ZFTA: variants seen among roughly 807,000 people sequenced by gnomAD.
ZFTA encodes the protein zinc finger translocation-associated protein.
A neutral mutation model predicts 41.8 loss-of-function variants in ZFTA; 35 were observed. The observed-to-expected ratio is 0.84, with a 90% CI of 0.64 to 1.11. ZFTA has a LOEUF of 1.11. Among genes scored for constraint, ZFTA ranks in the 50% most tolerant of loss-of-function variants. The pLI, the probability that ZFTA is intolerant of heterozygous loss-of-function variation, is 0.00. For missense variants in ZFTA, 964 were observed against 989.8 expected, an observed-to-expected ratio of 0.97 and a Z score of 0.35; for synonymous variants, 514 against 436.4, an observed-to-expected ratio of 1.18 and a Z score of -2.22.
At chr11:63,764,700 A>G (rs1440109110) in intron 3 of ZFTA, 102 bp from the exon 4 acceptor site, 8 of 1,317,470 alleles carry the variant, frequency 6.1e-6, no homozygotes, top group Non-Finnish European at 9.7e-7. Context: ...GCCCCAAGCT[A>G]GAGGCCCCAG....
In ZFTA at chr11:63,768,523, C is replaced by A; in HGVS notation, c.100G>T (p.Gly34Ter). 1 of 1,196,944 alleles carries A rather than the reference C, an allele frequency of 8.4e-7. No homozygotes were observed. 74.1% of individuals were successfully genotyped at this position (1,196,944 alleles called of 1,614,324 possible). Residue 34 changes from glycine to a stop codon, truncating the protein, a stop_gained, in exon 1 of 5, where the codon GGA (glycine) becomes TGA (stop). Transcript: ENST00000433688. LOFTEE classifies it high-confidence loss of function. ...SARGRRLPPA[G>*]SSGSAEPEED... ...TCTGGCTCCGCGCTGCCGCTCGATCCGGCGGGCGGCAGCCGTCGGCCCCGT... is the reference window on the plus strand; with the variant it reads ...TCTGGCTCCGCGCTGCCGCTCGATCAGGCGGGCGGCAGCCGTCGGCCCCGT...
rs565994969 is a variant in ZFTA at position 63,764,348 on chromosome 11, C to T, written c.1275G>A (p.Glu425=). The change falls in exon 4 of 5, where the codon GAG becomes GAA. Residue 425 remains glutamate, a synonymous_variant. Coordinates refer to ENST00000433688, the MANE Select transcript of ZFTA (RefSeq NM_001144936.2). ...RRHPQERWRL[E]YLMELDGGRR... is the part of the protein sequence containing the mutation. ...GGCCGCCGTCCAACTCCATGAGGTA[C>T]TCCAGCCGCCAGCGCTCCTGGGGGT... The T allele has an allele frequency of 3.5e-5, 47 of 1,339,660 alleles. No individual in the cohort carries two copies. The East Asian group carries it at 1.2e-3, about 35-fold the overall frequency. 83.0% of individuals were successfully genotyped at this position (1,339,660 alleles called of 1,614,324 possible). A position where few individuals can be genotyped will look rare whatever the true frequency, so the allele number is the denominator to read the frequency against.
In ZFTA at chr11:63,768,542, GC is replaced by G; in HGVS notation, c.80del (p.Gly27AlafsTer88). The G allele has an allele frequency of 1.7e-6, 2 of 1,146,472 alleles. No individual in the cohort carries two copies. Among genetic ancestry groups the G allele is most frequent in the Admixed American group, 4.8e-5 (1 of 20,694 alleles). 71.0% of individuals were successfully genotyped at this position (1,146,472 alleles called of 1,614,324 possible). Reference sequence around the variant, plus strand: ...TCGATCCGGCGGGCGGCAGCCGTCGGCCCCGTGCCGAGGCCACTGCTGGCCC... The same window carrying G: ...TCGATCCGGCGGGCGGCAGCCGTCGGCCCGTGCCGAGGCCACTGCTGGCCC... ...GPGPAVASARGRRLPPAGSSG... is the reference protein window; with the variant it reads ...GPGPAVASARXRRLPPAGSSG... On this transcript the variant is annotated frameshift_variant, in exon 1 of 5. Coordinates refer to ENST00000433688, the MANE Select transcript of ZFTA (RefSeq NM_001144936.2). LOFTEE classifies it high-confidence loss of function.
chr11:63,763,606 T>C lies in ZFTA; in HGVS notation c.1849A>G (p.Ile617Val). ...TGCACCTGCAGGATGTGGCGCTTGA[T>C]GGTGCTCACCTTGAGCGTGGCCAGC... ...GALATLKVST[I>V]KRHILQVHPF... Residue 617 changes from isoleucine (I) to valine (V), a missense_variant, in exon 5 of 5, where the codon ATC (isoleucine) becomes GTC (valine). Transcript: ENST00000433688. The C allele has an allele frequency of 1.3e-6, 2 of 1,548,956 alleles. No individual in the cohort carries two copies. The highest frequency in any genetic ancestry group is 1.7e-6 in the Non-Finnish European group (2 of 1,145,588).
At position 63,763,474 on chromosome 11, in the gene ZFTA, G is replaced by A; in HGVS notation, c.1981C>T (p.Pro661Ser). The change falls in exon 5 of 5, where the codon CCG becomes TCG. Residue 661 changes from proline (P) to serine (S), a missense_variant. Around this residue, in one of 5 missense-constraint regions of ZFTA, gnomAD observed 65 missense variants for 58.9 expected, o/e 1.10. Coordinates refer to ENST00000433688, the MANE Select transcript of ZFTA (RefSeq NM_001144936.2). ...YGHEGFGPPA[P>S]APRDGGADLK... Reference sequence around the variant, plus strand: ...TCCGCGCCGCCGTCACGCGGCGCCGGGGCGGGCGGCCCGAAGCCCTCGTGG... The same window carrying A: ...TCCGCGCCGCCGTCACGCGGCGCCGAGGCGGGCGGCCCGAAGCCCTCGTGG... The A allele has an allele frequency of 6.6e-7, 1 of 1,508,230 alleles. No homozygotes were observed. The highest frequency in any genetic ancestry group is 8.9e-7 in the Non-Finnish European group (1 of 1,125,666). 93.4% of individuals were successfully genotyped at this position (1,508,230 alleles called of 1,614,324 possible).
chr11:63,764,062 G>GCTC lies in ZFTA; in HGVS notation c.1558_1560dup (p.Glu520dup). On this transcript the variant is annotated inframe_insertion, in exon 4 of 5. Coordinates refer to ENST00000433688, the MANE Select transcript of ZFTA (RefSeq NM_001144936.2). ...CCCCACTCCTCCTCCTCCTCCTCTGGCTCCTCCTCCTCGTCCCCTCCCCCC... is the reference window on the plus strand; with the variant it reads ...CCCCACTCCTCCTCCTCCTCCTCTGGCTCCTCCTCCTCCTCGTCCCCTCCCCCC... The GCTC allele has an allele frequency of 7.5e-7, 1 of 1,338,620 alleles. No homozygotes were observed. The highest frequency in any genetic ancestry group is 9.6e-7 in the Non-Finnish European group (1 of 1,047,044). The allele number at this position is 1,338,620 out of a possible 1,614,324, so 82.9% of individuals were successfully genotyped here.
At position 63,763,800 on chromosome 11, in the gene ZFTA, C is replaced by T; in HGVS notation, c.1655G>A (p.Gly552Asp). The T allele has an allele frequency of 3.4e-6, 5 of 1,453,032 alleles. No individual in the cohort carries two copies. The highest frequency in any genetic ancestry group is 4.5e-6 in the Non-Finnish European group (5 of 1,105,538). 90.0% of individuals were successfully genotyped at this position (1,453,032 alleles called of 1,614,324 possible). A position where few individuals can be genotyped will look rare whatever the true frequency, so the allele number is the denominator to read the frequency against. ...CAAGGCGAGTCCCCCAGGCTCCTGG[C>T]CGTCCTCTTCGTCCTCCTCTTCTTC... is the stretch of plus-strand genomic sequence containing the variant. ...PAEEEEDEED[G>D]QEPGGLALPP... Residue 552 changes from glycine (G) to aspartate (D), a missense_variant, in exon 5 of 5, where the codon GGC becomes GAC. Coordinates refer to ENST00000433688, the MANE Select transcript of ZFTA (RefSeq NM_001144936.2).
intron 1 of ZFTA, 76 bp from the exon 2 acceptor site, chr11:63,766,380 C>A: frequency 7.2e-7 from 1 of 1,394,614 alleles, no homozygotes; most frequent in Non-Finnish European, 9.3e-7. Context: ...GATGGTGAGC[C>A]CTGAGAAAGG....
Position 63,765,154 on chromosome 11 carries a change from C to A in ZFTA, c.738G>T (p.Gly246=), listed in dbSNP as rs1430374202. 6.5e-7 allele frequency: 1 copy of A among 1,546,100 alleles called. No homozygotes were observed. The highest frequency in any genetic ancestry group is 1.4e-5 in the African/African-American group (1 of 72,756). The change falls in exon 3 of 5, where the codon GGG becomes GGT. Residue 246 remains glycine, a synonymous_variant. Coordinates refer to ENST00000433688, the MANE Select transcript of ZFTA (RefSeq NM_001144936.2). The surrounding 1 kb of genome is among the most constrained non-coding windows in gnomAD (Gnocchi z 4.0). ...RLRLSASRRA[G]GSRGLGARRL... Reference sequence around the variant, plus strand: ...GCCGGGCCCCCAGCCCCCTGCTGCCCCCGGCCCTCCGGGAGGCTGAGAGGC... The same window carrying A: ...GCCGGGCCCCCAGCCCCCTGCTGCCACCGGCCCTCCGGGAGGCTGAGAGGC...
At position 63,764,426 on chromosome 11, in the gene ZFTA, G is replaced by A. The variant is rs2014710425; in HGVS notation, c.1197C>T (p.Gly399=). 7.9e-7 allele frequency: 1 copy of A among 1,265,306 alleles called. No individual in the cohort carries two copies. Among genetic ancestry groups the A allele is most frequent in the Non-Finnish European group, 9.9e-7 (1 of 1,006,302 alleles). The allele number at this position is 1,265,306 out of a possible 1,614,324, so 78.4% of individuals were successfully genotyped here. Residue 399 remains glycine (G), a synonymous_variant, in exon 4 of 5, where the codon GGC becomes GGT. Transcript: ENST00000433688. ...EEEEELEEGE[G]ERAGVPGRSP... The stretch of plus-strand genomic sequence containing the variant: ...ACCGGCCCGGGACCCCCGCCCTCTC[G>A]CCCTCGCCCTCCTCCAGCTCCTCCT...
chr11:63,763,544 C>G lies in ZFTA; in HGVS notation c.1911G>C (p.Gln637His), dbSNP rs1408314789. The G allele has an allele frequency of 1.9e-6, 3 of 1,547,236 alleles. No homozygotes were observed. Residue 637 changes from glutamine to histidine, a missense_variant, in exon 5 of 5, where the codon CAG becomes CAC. Transcript: ENST00000433688. ...FSMDFTPEERQTILEAYEEAA... is the reference protein window; with the variant it reads ...FSMDFTPEERHTILEAYEEAA... ...CCTCCTCGTAGGCCTCCAGGATAGT[C>G]TGGCGCTCCTCAGGCGTGAAGTCCA...
In ZFTA at chr11:63,765,841, C is replaced by A; in HGVS notation, c.603G>T (p.Gly201=). 6.7e-7 allele frequency: 1 copy of A among 1,498,566 alleles called. No individual in the cohort carries two copies. The highest frequency in any genetic ancestry group is 8.9e-7 in the Non-Finnish European group (1 of 1,124,248). 92.8% of individuals were successfully genotyped at this position (1,498,566 alleles called of 1,614,324 possible). The change falls in exon 2 of 5, where the codon GGG becomes GGT. Residue 201 remains glycine (G), a synonymous_variant. Transcript: ENST00000433688. The surrounding 1 kb of genome is among the most constrained non-coding windows in gnomAD (Gnocchi z 4.0). The part of the protein sequence containing the change: ...EEEEEEEEEE[G]AGVPACPPKG... ...TGGGCGGGCAAGCTGGGACACCGGC[C>A]CCCTCCTCCTCCTCCTCTTCTTCCT...
Position 63,763,861 on chromosome 11 carries a change from G to A in ZFTA, c.1594C>T (p.Pro532Ser). 1.4e-6 allele frequency: 2 copies of A among 1,424,918 alleles called. No homozygotes were observed. The highest frequency in any genetic ancestry group is 2.7e-5 in the East Asian group (1 of 37,026). The allele number at this position is 1,424,918 out of a possible 1,614,324, so 88.3% of individuals were successfully genotyped here. Residue 532 changes from proline to serine, a missense_variant, in exon 5 of 5, where the codon CCG becomes TCG. By Grantham distance (74) the Pro-to-Ser change is moderately conservative (BLOSUM62 -1). Around this residue, in one of 5 missense-constraint regions of ZFTA, gnomAD observed 584 missense variants for 523.1 expected, o/e 1.12. Coordinates refer to ENST00000433688, the MANE Select transcript of ZFTA (RefSeq NM_001144936.2). Reference sequence around the variant, plus strand: ...TCCAAGGGAGCTCCAGGGGACAGCGGAACGTCGCCTAAGGAGGGACAAAGG... The same window carrying A: ...TCCAAGGGAGCTCCAGGGGACAGCGAAACGTCGCCTAAGGAGGGACAAAGG... The part of the protein sequence containing the change: ...EEEEEEWGDV[P>S]LSPGAPLERP...
In ZFTA at chr11:63,763,378, T is replaced by TCCGAC. The variant is rs1261099932; in HGVS notation, c.*35_*39dup. 34 of 1,215,844 alleles carry TCCGAC rather than the reference T, an allele frequency of 2.8e-5. No homozygotes were observed. The highest frequency in any genetic ancestry group is 3.3e-4 in the Middle Eastern group (1 of 3,008). The allele number at this position is 1,215,844 out of a possible 1,614,324, so 75.3% of individuals were successfully genotyped here. A position where few individuals can be genotyped will look rare whatever the true frequency, so the allele number is the denominator to read the frequency against. ...CGAGCACAGGGCGGGGCGGGGCCGA[T>TCCGAC]CCGACCCGACCCGACCTGACCCGGG... On this transcript the variant is annotated 3_prime_UTR_variant, in exon 5 of 5. Coordinates refer to ENST00000433688, the MANE Select transcript of ZFTA (RefSeq NM_001144936.2).
rs776818809 is a variant in ZFTA at position 63,765,921 on chromosome 11, C to G, written c.523G>C (p.Ala175Pro). ...NSWDAHLGLG[A>P]CGEAEGLGVQ... Reference sequence around the variant, plus strand: ...CCCAGGCCCTCGGCCTCTCCGCAGGCCCCCAGCCCCAGGTGTGCATCCCAG... The same window carrying G: ...CCCAGGCCCTCGGCCTCTCCGCAGGGCCCCAGCCCCAGGTGTGCATCCCAG... Residue 175 changes from alanine (A) to proline (P), a missense_variant, in exon 2 of 5, where the codon GCC becomes CCC. Physicochemically the swap from Ala to Pro is conservative, Grantham distance 27. This residue lies in a region of ZFTA where 141 missense variants were observed against 216.7 expected (regional missense o/e 0.65). Coordinates refer to ENST00000433688, the MANE Select transcript of ZFTA (RefSeq NM_001144936.2). This position sits in a 1 kb window ranked among gnomAD's most constrained non-coding sequence, Gnocchi z 4.0. The G allele has an allele frequency of 4.5e-6, 7 of 1,551,348 alleles. No homozygotes were observed. In the East Asian group the frequency reaches 1.7e-4, roughly 38 times the overall value.
In ZFTA at chr11:63,761,639, C is replaced by A. The variant is rs1202773649; in HGVS notation, c.*1779G>T. The A allele has an allele frequency of 1.3e-5, 2 of 152,346 alleles. No individual in the cohort carries two copies. Among genetic ancestry groups the A allele is most frequent in the East Asian group, 3.8e-4 (2 of 5,200 alleles). The allele number at this position is 152,346 out of a possible 1,614,324, so 9.4% of individuals were successfully genotyped here. On this transcript the variant is annotated 3_prime_UTR_variant, in exon 5 of 5. Coordinates refer to ENST00000433688, the MANE Select transcript of ZFTA (RefSeq NM_001144936.2). Reference sequence around the variant, plus strand: ...TGTCCCTACCTGGCTGTGTGATCATCTCGGTTCCTGGGCTCCAATTTACCT... The same window carrying A: ...TGTCCCTACCTGGCTGTGTGATCATATCGGTTCCTGGGCTCCAATTTACCT...
Position 63,763,775 on chromosome 11 carries a change from C to A in ZFTA, c.1680G>T (p.Leu560Phe). Reference protein sequence around the residue: ...EDGQEPGGLALPPPPPPPPPP... With the variant: ...EDGQEPGGLAFPPPPPPPPPP... ...GAGGCGGGGGAGGAGGCGGCGGCGG[C>A]AAGGCGAGTCCCCCAGGCTCCTGGC... The change falls in exon 5 of 5, where the codon TTG (leucine) becomes TTT (phenylalanine). Residue 560 changes from leucine (L) to phenylalanine (F), a missense_variant. Leu to Phe is a conservative substitution (Grantham distance 22). Transcript: ENST00000433688. 1 of 1,459,966 alleles carries A rather than the reference C, an allele frequency of 6.8e-7. No homozygotes were observed. Among genetic ancestry groups the A allele is most frequent in the East Asian group, 2.6e-5 (1 of 38,454 alleles). The allele number at this position is 1,459,966 out of a possible 1,614,324, so 90.4% of individuals were successfully genotyped here. A position where few individuals can be genotyped will look rare whatever the true frequency, so the allele number is the denominator to read the frequency against.
intron 1 of ZFTA, 122 bp downstream of exon 1, chr11:63,768,362 G>A: frequency 1.9e-6 from 1 of 526,038 alleles, no homozygotes; most frequent in Non-Finnish European, 2.5e-6. Context: ...CCACCAGGTG[G>A]CGCCCCCGGC....
At chr11:63,768,351 C>A in intron 1 of ZFTA, 133 bp downstream of exon 1, 2 of 424,396 alleles carry the variant, frequency 4.7e-6, no homozygotes, top group Non-Finnish European at 6.4e-6. Flanking sequence ...GCGCTCCGCG[C>A]CCACCAGGTG....
Sources: gnomAD v4.1 joint callset for allele counts on GRCh38, gnomAD v4.1.1 for gene constraint, gnomAD v4.1.1 regional missense constraint, Gnocchi (gnomAD v3.1) non-coding constraint, MANE v1.5 for transcripts, NCBI Gene and HGNC (gene_info 2026-07-23, HGNC 2026-07-21) for gene names.